RPSA2: variants seen among roughly 807,000 people sequenced by gnomAD.
The protein encoded by RPSA2 is ribosomal protein SA 2.
chr19:23,798,748 A>G, the RPSA2 span, among the ~76,000 whole-genome samples: 2 of 152,214 alleles, frequency 1.3e-5, no homozygotes, highest in African/African-American at 4.8e-5. Context: ...ACCAATAGAG[A>G]TAATTATAAG....
the RPSA2 span, among the ~76,000 whole-genome samples, chr19:23,865,425 T>A: frequency 6.6e-6 from 1 of 152,108 alleles, no homozygotes. Context: ...GGGATTGAAA[T>A]GGGCTCATCA....
chr19:23,812,611 C>G, the RPSA2 span, among the ~76,000 whole-genome samples: 2 of 152,018 alleles, frequency 1.3e-5, no homozygotes, highest in African/African-American at 4.8e-5. Context: ...GTTGGTTAGG[C>G]TGGTCTCGGA....
At chr19:23,807,833 T>G in the RPSA2 span, 56 of 421,158 alleles carry the variant, frequency 1.3e-4, no homozygotes, top group Admixed American at 2.3e-4. Flanking sequence ...CAGGGACTCT[T>G]GACGTTTAGG....
chr19:23,862,444 C>A, the RPSA2 span, among the ~76,000 whole-genome samples: 6 of 151,444 alleles, frequency 4.0e-5, no homozygotes, highest in Non-Finnish European at 5.9e-5. Context: ...GAGGGCATCC[C>A]TGTCTTGTGC....
At chr19:23,764,513 C>T in the RPSA2 span, among the ~76,000 whole-genome samples, 23 of 152,106 alleles carry the variant, frequency 1.5e-4, no homozygotes, top group Admixed American at 1.2e-3. Context: ...GAGTTTCATT[C>T]TTGTTGCCCA....
At chr19:23,829,296 T>C in the RPSA2 span, among the ~76,000 whole-genome samples, 2 of 152,010 alleles carry the variant, frequency 1.3e-5, no homozygotes, top group East Asian at 1.9e-4. Context: ...ATGCTTTCGC[T>C]TATTTATTTA....
At chr19:23,859,217 CA>C in the RPSA2 span, among the ~76,000 whole-genome samples, 1 of 152,144 alleles carries the variant, frequency 6.6e-6, no homozygotes, top group Non-Finnish European at 1.5e-5. Flanking sequence ...ATGCAAAGTG[CA>C]AAAACTGCTA....
chr19:23,836,585 A>G, the RPSA2 span, among the ~76,000 whole-genome samples: 1 of 152,140 alleles, frequency 6.6e-6, no homozygotes, highest in Non-Finnish European at 1.5e-5. Flanking sequence ...TTCTTTAAGG[A>G]ATTTCCACAG....
chr19:23,835,037 C>G, the RPSA2 span, among the ~76,000 whole-genome samples: 2 of 152,050 alleles, frequency 1.3e-5, no homozygotes, highest in South Asian at 2.1e-4. Flanking sequence ...TCCATTACCT[C>G]TAGCATTTAT....
the RPSA2 span, among the ~76,000 whole-genome samples, chr19:23,836,309 T>C: frequency 6.6e-6 from 1 of 152,184 alleles, no homozygotes; most frequent in Non-Finnish European, 1.5e-5. Flanking sequence ...ATCCAGGTTA[T>C]TGCAAATGCT....
the RPSA2 span, among the ~76,000 whole-genome samples, chr19:23,785,600 G>T: frequency 6.6e-6 from 1 of 152,166 alleles, no homozygotes; most frequent in African/African-American, 2.4e-5. Context: ...GGAGAAGGTT[G>T]TAACATATTC....
the RPSA2 span, among the ~76,000 whole-genome samples, chr19:23,856,473 T>TA: frequency 6.6e-6 from 1 of 152,118 alleles, no homozygotes; most frequent in East Asian, 1.9e-4. Context: ...GACCCATACT[T>TA]ACCCCAGACA....
the RPSA2 span, among the ~76,000 whole-genome samples, chr19:23,762,757 A>T: frequency 6.6e-6 from 1 of 152,022 alleles, no homozygotes; most frequent in Admixed American, 6.6e-5. Flanking sequence ...CCAGGTAAGG[A>T]AAAGAGCAAG....
chr19:23,776,633 A>T, the RPSA2 span, among the ~76,000 whole-genome samples: 1 of 152,146 alleles, frequency 6.6e-6, no homozygotes, highest in Non-Finnish European at 1.5e-5. Flanking sequence ...GTTTCTTCTC[A>T]CAAAACATCT....
At chr19:23,862,876 C>T in the RPSA2 span, among the ~76,000 whole-genome samples, 3 of 150,558 alleles carry the variant, frequency 2.0e-5, no homozygotes, top group Non-Finnish European at 3.0e-5. Flanking sequence ...ACATCTACAT[C>T]TCTTTTTCTT....
chr19:23,857,747 G>C, the RPSA2 span, among the ~76,000 whole-genome samples: 1 of 151,614 alleles, frequency 6.6e-6, no homozygotes, highest in Non-Finnish European at 1.5e-5. Context: ...CACCCACCTT[G>C]GCCTCCCAAA....
At chr19:23,771,803 T>G in the RPSA2 span, among the ~76,000 whole-genome samples, 1 of 151,992 alleles carries the variant, frequency 6.6e-6, no homozygotes, top group African/African-American at 2.4e-5. Flanking sequence ...TGGTTTCTGT[T>G]GTACATTGTG....
the RPSA2 span, among the ~76,000 whole-genome samples, chr19:23,797,143 T>G: frequency 6.6e-6 from 1 of 152,226 alleles, no homozygotes. Flanking sequence ...GGATTTTCGC[T>G]CTTGCTGCCC....
chr19:23,777,517 T>G, the RPSA2 span, among the ~76,000 whole-genome samples: 1 of 152,062 alleles, frequency 6.6e-6, no homozygotes, highest in African/African-American at 2.4e-5. Context: ...TTATGAGTAT[T>G]GTGACAAATC....
Sources: gnomAD v4.1 joint callset for allele counts (sites outside exome capture counted in the v4.1 genomes callset) on GRCh38, gnomAD v4.1.1 for gene constraint, MANE v1.5 for transcripts, NCBI Gene and HGNC (gene_info 2026-07-23, HGNC 2026-07-21) for gene names.